The following CACNA2D3 variants were observed in gnomAD, a reference collection of about 807,000 sequenced individuals.
CACNA2D3 encodes calcium voltage-gated channel auxiliary subunit alpha2delta 3.
CACNA2D3 carries 60 observed loss-of-function variants against 160.6 expected under a neutral mutation model. The observed-to-expected ratio is 0.37, with a 90% confidence interval of 0.30 to 0.46. CACNA2D3 has a LOEUF of 0.46. Among genes scored for constraint, CACNA2D3 ranks in the 20% least tolerant of loss-of-function variants. The probability of loss-of-function intolerance (pLI) is 1.00; values close to 1 mark genes in which losing one functional copy is unlikely to be tolerated. For missense variants in CACNA2D3, 1,205 were observed against 1,365.0 expected, an observed-to-expected ratio of 0.88 and a Z score of 1.85; for synonymous variants, 558 against 492.9, an observed-to-expected ratio of 1.13 and a Z score of -1.75.
intron 11 of CACNA2D3, among the ~76,000 whole-genome samples, chr3:54,745,030 A>C (rs187760308): frequency 3.3e-5 from 5 of 152,360 alleles, no homozygotes; most frequent in East Asian, 1.9e-4. Context: ...AGTCAGGTAT[A>C]ATAAGGCACA....
At chr3:54,661,084 A>G (rs564825073) in intron 11 of CACNA2D3, among the ~76,000 whole-genome samples, 32 of 152,232 alleles carry the variant, frequency 2.1e-4, no homozygotes, top group African/African-American at 7.5e-4. Context: ...TGCGAACTGA[A>G]AGTAAGATGT....
intron 6 of CACNA2D3, 84 bp downstream of exon 6, chr3:54,563,015 A>C: frequency 7.6e-7 from 1 of 1,310,340 alleles, no homozygotes; most frequent in Non-Finnish European, 1.1e-6. Context: ...CAAGGTTAAA[A>C]CTTTTCTGCC....
At position 54,122,792 on chromosome 3, in the gene CACNA2D3, C is replaced by T; in HGVS notation, c.79C>T (p.Leu27=). 8.1e-7 allele frequency: 1 copy of T among 1,231,754 alleles called. No homozygotes were observed. Among genetic ancestry groups the T allele is most frequent in the Non-Finnish European group, 1.0e-6 (1 of 982,754 alleles). The allele number at this position is 1,231,754 out of a possible 1,614,324, so 76.3% of individuals were successfully genotyped here. The change falls in exon 1 of 38, where the codon CTG becomes TTG. Residue 27 remains leucine, a synonymous_variant. Transcript: ENST00000474759. ...LLAAALLYAA[L]GDVVRSEQQI... Reference sequence around the variant, plus strand: ...CGCTGCCGCGCTTCTCTACGCCGCGCTGGGGGACGTGGTGCGCTCGGAGCA... The same window carrying T: ...CGCTGCCGCGCTTCTCTACGCCGCGTTGGGGGACGTGGTGCGCTCGGAGCA...
At chr3:54,626,502 C>G in intron 9 of CACNA2D3, 1 of 1,607,906 alleles carries the variant, frequency 6.2e-7, no homozygotes, top group Non-Finnish European at 8.5e-7. Context: ...TGGGCGTCTA[C>G]AACGGCAAGA....
intron 17 of CACNA2D3, among the ~76,000 whole-genome samples, chr3:54,860,851 A>G (rs1699274565): frequency 6.6e-6 from 1 of 152,232 alleles, no homozygotes; most frequent in Non-Finnish European, 1.5e-5. Context: ...AAAAATGAGA[A>G]CAAAAAAATA....
intron 11 of CACNA2D3, among the ~76,000 whole-genome samples, chr3:54,687,103 A>ATTTTTCTTTTTCTTTTTC (rs1295361854): frequency 0.012 from 1,170 of 99,784 alleles, 60 homozygotes; most frequent in African/African-American, 0.043. Context: ...TTCAAATCGG[A>ATTTTTCTTTTTCTTTTTC]TTTTTCTTTT....
chr3:54,735,797 G>C (rs1452016906), intron 11 of CACNA2D3, among the ~76,000 whole-genome samples: 1 of 150,932 alleles, frequency 6.6e-6, no homozygotes, highest in Non-Finnish European at 1.5e-5. Context: ...GAATTGAGTG[G>C]AATTTTTTTC....
At chr3:54,472,920 A>C (rs938166642) in intron 4 of CACNA2D3, among the ~76,000 whole-genome samples, 6 of 152,208 alleles carry the variant, frequency 3.9e-5, no homozygotes, top group African/African-American at 1.4e-4. Flanking sequence ...TTGCTCATGG[A>C]TAGGAAGAAT....
chr3:54,828,333 C>CTGGGCATTCT (rs1341735429), intron 14 of CACNA2D3, among the ~76,000 whole-genome samples: 1 of 152,150 alleles, frequency 6.6e-6, no homozygotes, highest in East Asian at 1.9e-4. Context: ...GTCATTAGTC[C>CTGGGCATTCT]TGGGCATTCT....
chr3:54,148,199 C>T (rs1175937820), intron 2 of CACNA2D3, among the ~76,000 whole-genome samples: 1 of 152,210 alleles, frequency 6.6e-6, no homozygotes, highest in Non-Finnish European at 1.5e-5. Context: ...TTCTTGCTAC[C>T]CTTCCATATA....
intron 34 of CACNA2D3, among the ~76,000 whole-genome samples, chr3:55,010,501 A>G (rs1352986747): frequency 6.6e-6 from 1 of 152,194 alleles, no homozygotes; most frequent in African/African-American, 2.4e-5. Context: ...ATCCTTAATG[A>G]ACGCTGGCTC....
At chr3:54,788,067 T>C (rs1702674512) in intron 13 of CACNA2D3, among the ~76,000 whole-genome samples, 1 of 152,210 alleles carries the variant, frequency 6.6e-6, no homozygotes, top group Admixed American at 6.5e-5. Flanking sequence ...TACTGCTCTG[T>C]CCCCAATACT....
At chr3:54,404,512 C>T (rs542848903) in intron 4 of CACNA2D3, among the ~76,000 whole-genome samples, 12 of 152,090 alleles carry the variant, frequency 7.9e-5, no homozygotes, top group Admixed American at 5.9e-4. Flanking sequence ...TATGAAAAAC[C>T]GACAGCTGGC....
intron 3 of CACNA2D3, among the ~76,000 whole-genome samples, chr3:54,334,848 A>C (rs1559453183): frequency 6.6e-6 from 1 of 152,242 alleles, no homozygotes; most frequent in Non-Finnish European, 1.5e-5. Flanking sequence ...TAGCAGAAGC[A>C]GGCTCTGGTT....
At chr3:54,127,957 T>C (rs1016792959) in intron 2 of CACNA2D3, among the ~76,000 whole-genome samples, 14 of 152,168 alleles carry the variant, frequency 9.2e-5, no homozygotes, top group Non-Finnish European at 1.6e-4. Flanking sequence ...TTAAAATTTC[T>C]TTTCTGCCAG....
At chr3:54,239,448 C>G (rs1701938807) in intron 2 of CACNA2D3, among the ~76,000 whole-genome samples, 1 of 152,172 alleles carries the variant, frequency 6.6e-6, no homozygotes. Context: ...AGTTTAATGT[C>G]AGTTCTAGAA....
intron 2 of CACNA2D3, among the ~76,000 whole-genome samples, chr3:54,235,280 A>G (rs182830164): frequency 1.3e-3 from 192 of 152,284 alleles, no homozygotes; most frequent in African/African-American, 4.2e-3. Context: ...GATACCTGAC[A>G]CTGGATAATT....
chr3:55,053,269 T>G (rs565717518), intron 35 of CACNA2D3, among the ~76,000 whole-genome samples: 4 of 152,190 alleles, frequency 2.6e-5, no homozygotes, highest in African/African-American at 9.6e-5. Flanking sequence ...TATTCTTTGT[T>G]GGTCCAGCTC....
At chr3:54,770,478 T>G (rs1702300829) in intron 13 of CACNA2D3, among the ~76,000 whole-genome samples, 1 of 152,246 alleles carries the variant, frequency 6.6e-6, no homozygotes, top group South Asian at 2.1e-4. Context: ...TCAGTCAGAT[T>G]TGCTTCAACC....
Sources: gnomAD v4.1 joint callset for allele counts (sites outside exome capture counted in the v4.1 genomes callset) on GRCh38, gnomAD v4.1.1 for gene constraint, MANE v1.5 for transcripts, NCBI Gene and HGNC (gene_info 2026-07-23, HGNC 2026-07-21) for gene names.